The following ZNF223 variants were observed in gnomAD, a reference collection of about 807,000 sequenced individuals.
ZNF223 encodes zinc finger protein 223, also known as Homo sapiens zinc finger protein 223.
A neutral mutation model predicts 12.3 loss-of-function variants in ZNF223; 9 were observed. That is an observed-to-expected ratio of 0.73 (90% CI 0.44 to 1.28). The LOEUF (loss-of-function observed/expected upper bound fraction) is 1.28. Among genes scored for constraint, ZNF223 ranks in the 50% most tolerant of loss-of-function variants. The probability of loss-of-function intolerance (pLI) is 0.00; values close to 1 mark genes in which losing one functional copy is unlikely to be tolerated. For synonymous variants in ZNF223, 171 were observed against 195.2 expected (o/e 0.88, Z 1.03); for missense variants, 506 against 579.0 (o/e 0.87, Z 1.29).
At chr19:44,065,793 G>T (rs958176365) in intron 4 of ZNF223, among the ~76,000 whole-genome samples, 9 of 151,860 alleles carry the variant, frequency 5.9e-5, no homozygotes, top group Non-Finnish European at 1.2e-4. Flanking sequence ...GGTCAGGCTG[G>T]TCCCGAATTC....
rs1599868001 is a variant in ZNF223, at chr19:44,057,267, A to G, written c.15+2076A>G. Among the ~76,000 whole-genome samples the G allele has an allele frequency of 2.0e-5, 3 of 152,306 alleles. No homozygotes were observed. In the East Asian group the frequency reaches 5.8e-4, roughly 29 times the overall value. ...GGAAAAAAGTGAGAAGAAAGTATGCAATTATATAATGATAATATTAAATGT... is the reference window on the plus strand; with the variant it reads ...GGAAAAAAGTGAGAAGAAAGTATGCGATTATATAATGATAATATTAAATGT... On this transcript the variant is annotated intron_variant, in intron 2 of 4. Coordinates refer to ENST00000434772, the MANE Select transcript of ZNF223 (RefSeq NM_013361.6).
At chr19:44,063,082 A>G (rs1481937324) in intron 4 of ZNF223, among the ~76,000 whole-genome samples, 1 of 152,220 alleles carries the variant, frequency 6.6e-6, no homozygotes. Context: ...TTGGGGAATT[A>G]CTTACTCAAA....
intron 2 of ZNF223, among the ~76,000 whole-genome samples, 182 bp downstream of exon 2, chr19:44,055,373 C>T (rs1258579524): frequency 6.6e-6 from 1 of 151,846 alleles, no homozygotes; most frequent in Non-Finnish European, 1.5e-5. Flanking sequence ...AGGCTTGTAT[C>T]GAACTTCTGA....
chr19:44,055,518 C>A (rs1976752885), intron 2 of ZNF223, among the ~76,000 whole-genome samples: 1 of 151,434 alleles, frequency 6.6e-6, no homozygotes, highest in Admixed American at 6.6e-5. Flanking sequence ...ACTGGTAATC[C>A]CAGCACTTTG....
At chr19:44,059,194 C>T (rs1976806022) in intron 2 of ZNF223, among the ~76,000 whole-genome samples, 1 of 152,198 alleles carries the variant, frequency 6.6e-6, no homozygotes, top group African/African-American at 2.4e-5. Context: ...TCATGCGGCC[C>T]TTACAGAGAG....
Position 44,055,150 on chromosome 19 carries a change from T to A in ZNF223, c.-27T>A. On this transcript the variant is annotated 5_prime_UTR_variant, in exon 2 of 5. Transcript: ENST00000434772. Reference sequence around the variant, plus strand: ...CCTGGAACTGTGTCATTCAGGACTCTGCAAATTCCCTAAAGTAGGAGGAAA... The same window carrying A: ...CCTGGAACTGTGTCATTCAGGACTCAGCAAATTCCCTAAAGTAGGAGGAAA... 6.2e-7 allele frequency: 1 copy of A among 1,613,126 alleles called. No homozygotes were observed. The highest frequency in any genetic ancestry group is 8.5e-7 in the Non-Finnish European group (1 of 1,179,336).
chr19:44,064,179 A>G (rs1230348559), intron 4 of ZNF223, among the ~76,000 whole-genome samples: 2 of 152,158 alleles, frequency 1.3e-5, no homozygotes, highest in Non-Finnish European at 2.9e-5. Context: ...GATAATTTTC[A>G]TTCTGGCTCC....
At chr19:44,055,380 C>CT (rs1976751269) in intron 2 of ZNF223, among the ~76,000 whole-genome samples, 189 bp downstream of exon 2, 1 of 151,976 alleles carries the variant, frequency 6.6e-6, no homozygotes, top group African/African-American at 2.4e-5. Flanking sequence ...TATCGAACTT[C>CT]TGACCTCAAG....
At chr19:44,065,247 G>A (rs1208961582) in intron 4 of ZNF223, among the ~76,000 whole-genome samples, 7 of 152,144 alleles carry the variant, frequency 4.6e-5, no homozygotes, top group Admixed American at 4.6e-4. Flanking sequence ...CCTCTTTTTA[G>A]TTAGGTTAAC....
At position 44,060,642 on chromosome 19, in the gene ZNF223, G is replaced by A. The variant is rs1397043020; in HGVS notation, c.142+61G>A. The A allele has an allele frequency of 5.6e-6, 9 of 1,613,256 alleles. No homozygotes were observed. The Admixed American group carries it at 1.2e-4, about 21-fold the overall frequency. On this transcript the variant is annotated intron_variant, in intron 3 of 4. Transcript: ENST00000434772. ...CCCCAGGAGTGGTTTTGTATCCTAG[G>A]GTGTTCAAGTTTGAGTGTGCAGTGG...
rs780676398 is a variant in ZNF223 at position 44,067,374 on chromosome 19, A to G, written c.*97A>G. On this transcript the variant is annotated 3_prime_UTR_variant, in exon 5 of 5. Transcript: ENST00000434772. ...TGTAATTAGCACATTTATCACCTCAATTATCTCTTTTTTGTGTTGAGAAAA... is the reference window on the plus strand; with the variant it reads ...TGTAATTAGCACATTTATCACCTCAGTTATCTCTTTTTTGTGTTGAGAAAA... 10 of 1,272,092 alleles carry G rather than the reference A, an allele frequency of 7.9e-6. No homozygotes were observed. The highest frequency in any genetic ancestry group is 1.5e-5 in the African/African-American group (1 of 67,672). 78.8% of individuals were successfully genotyped at this position (1,272,092 alleles called of 1,614,324 possible).
Position 44,055,116 on chromosome 19 carries a change from T to G in ZNF223, c.-61T>G, listed in dbSNP as rs776402173. 6.3e-7 allele frequency: 1 copy of G among 1,578,354 alleles called. No homozygotes were observed. Among genetic ancestry groups the G allele is most frequent in the Non-Finnish European group, 8.7e-7 (1 of 1,151,024 alleles). ...CTTCATGGCACTTTCCAGGCACAAT[T>G]CTGCTTTCCCTGGAACTGTGTCATT... On this transcript the variant is annotated 5_prime_UTR_variant, in exon 2 of 5. The change creates a new upstream start codon in the 5' untranslated region. Transcript: ENST00000434772.
At chr19:44,060,286 T>G in intron 2 of ZNF223, 169 bp from the exon 3 acceptor site, 1 of 1,132,698 alleles carries the variant, frequency 8.8e-7, no homozygotes, top group Non-Finnish European at 1.2e-6. Flanking sequence ...ACAATCAAGG[T>G]GTGTCATTGT....
At position 44,052,062 on chromosome 19, in the gene ZNF223, G is replaced by C. The variant is rs1026220147; in HGVS notation, c.-202G>C. On this transcript the variant is annotated 5_prime_UTR_variant, in exon 1 of 5. Transcript: ENST00000434772. ...GTCTGAGGTTCCTGCTTTAATGACCGGGGTAGTTTGAGCCATTTCTGCGTC... is the reference window on the plus strand; with the variant it reads ...GTCTGAGGTTCCTGCTTTAATGACCCGGGTAGTTTGAGCCATTTCTGCGTC... The C allele has an allele frequency of 6.6e-6, 1 of 152,334 alleles. No individual in the cohort carries two copies. The highest frequency in any genetic ancestry group is 1.5e-5 in the Non-Finnish European group (1 of 68,068). The allele number at this position is 152,334 out of a possible 1,614,324, so 9.4% of individuals were successfully genotyped here.
At chr19:44,062,591 G>T (rs1050543032) in intron 4 of ZNF223, among the ~76,000 whole-genome samples, 9 of 151,852 alleles carry the variant, frequency 5.9e-5, no homozygotes, top group Admixed American at 2.0e-4. Flanking sequence ...TCCTTGACAT[G>T]ATTGGTTTTA....
At chr19:44,057,382 C>A (rs1162147983) in intron 2 of ZNF223, among the ~76,000 whole-genome samples, 1 of 152,146 alleles carries the variant, frequency 6.6e-6, no homozygotes, top group Non-Finnish European at 1.5e-5. Context: ...ACCATATCAT[C>A]TTGGCCGGAC....
At chr19:44,058,943 G>A (rs1976803079) in intron 2 of ZNF223, among the ~76,000 whole-genome samples, 1 of 152,192 alleles carries the variant, frequency 6.6e-6, no homozygotes, top group African/African-American at 2.4e-5. Flanking sequence ...GGCACCCCCA[G>A]CATGCCTAAT....
At position 44,066,117 on chromosome 19, in the gene ZNF223, G is replaced by A. The variant is rs201831819; in HGVS notation, c.289G>A (p.Gly97Arg). 2 of 1,613,606 alleles carry A rather than the reference G, an allele frequency of 1.2e-6. No individual in the cohort carries two copies. Among genetic ancestry groups the A allele is most frequent in the East Asian group, 4.5e-5 (2 of 44,870 alleles). ...TTTTCCAGAAGCAGGACCACATGAA[G>A]GGTGGTCCTGCCAGCAGATCTGGGA... ...KTFPEAGPHE[G>R]WSCQQIWEEI... is the part of the protein sequence containing the mutation. The change falls in exon 5 of 5, where the codon GGG (glycine) becomes AGG (arginine). Residue 97 changes from glycine (G) to arginine (R), a missense_variant. Gly to Arg is a moderately radical substitution (Grantham distance 125). Transcript: ENST00000434772.
rs765468655 is a variant in ZNF223 at position 44,067,381 on chromosome 19, CTT to C, written c.*109_*110del. On this transcript the variant is annotated 3_prime_UTR_variant, in exon 5 of 5. Transcript: ENST00000434772. ...AGCACATTTATCACCTCAATTATCT[CTT>C]TTTTGTGTTGAGAAAATTAAAAATT... 2 of 1,258,394 alleles carry C rather than the reference CTT, an allele frequency of 1.6e-6. No individual in the cohort carries two copies. Among genetic ancestry groups the C allele is most frequent in the Non-Finnish European group, 2.2e-6 (2 of 889,098 alleles). 78.0% of individuals were successfully genotyped at this position (1,258,394 alleles called of 1,614,324 possible).
Sources: allele counts gnomAD v4.1 joint callset (sites outside exome capture counted in the v4.1 genomes callset), GRCh38; gene constraint gnomAD v4.1.1; transcripts MANE v1.5; gene names NCBI Gene and HGNC (gene_info 2026-07-23, HGNC 2026-07-21).